RAI1: variants seen among roughly 807,000 people sequenced by gnomAD.
RAI1 encodes the protein retinoic acid-induced protein 1.
A neutral mutation model predicts 123.8 loss-of-function variants in RAI1; 9 were observed. That is an observed-to-expected ratio of 0.07 (90% CI 0.04 to 0.13). RAI1 has a LOEUF of 0.13. Ranked by LOEUF, RAI1 falls within the 10% of genes least tolerant of loss-of-function variation. The pLI, the probability that RAI1 is intolerant of heterozygous loss-of-function variation, is 1.00. For synonymous variants in RAI1, 1,231 were observed against 1,127.3 expected (o/e 1.09, Z -1.84); for missense variants, 2,256 against 2,545.8 (o/e 0.89, Z 2.45).
chr17:17,728,896 T>C (rs1298017891), intron 2 of RAI1, among the ~76,000 whole-genome samples: 1 of 152,140 alleles, frequency 6.6e-6, no homozygotes, highest in African/African-American at 2.4e-5. Context: ...AGCCCCTACC[T>C]CTGCAGGACC....
Position 17,681,475 on chromosome 17 carries a change from C to G in RAI1, c.-467C>G, listed in dbSNP as rs1914409774. ...AGGGGATCGCATTCCTCGCGGCACCCGCGGACACCAGGCAGGCCCGGCCGG... is the reference window on the plus strand; with the variant it reads ...AGGGGATCGCATTCCTCGCGGCACCGGCGGACACCAGGCAGGCCCGGCCGG... On this transcript the variant is annotated 5_prime_UTR_variant, in exon 1 of 6. Transcript: ENST00000353383. 1 of 168,924 alleles carries G rather than the reference C, an allele frequency of 5.9e-6. No individual in the cohort carries two copies. The highest frequency in any genetic ancestry group is 1.2e-5 in the Non-Finnish European group (1 of 80,422). The allele number at this position is 168,924 out of a possible 1,614,324, so 10.5% of individuals were successfully genotyped here. A position where few individuals can be genotyped will look rare whatever the true frequency, so the allele number is the denominator to read the frequency against.
At chr17:17,762,190 G>C (rs1454509978) in intron 2 of RAI1, among the ~76,000 whole-genome samples, 1 of 152,164 alleles carries the variant, frequency 6.6e-6, no homozygotes, top group Non-Finnish European at 1.5e-5. Context: ...TGATTTTGGA[G>C]AGTGGTAAGA....
rs1364578687 is a variant in RAI1, at chr17:17,704,660, C to T, written c.-148-19368C>T. On this transcript the variant is annotated intron_variant, in intron 1 of 5. Coordinates refer to ENST00000353383, the MANE Select transcript of RAI1 (RefSeq NM_030665.4). ...GATATGCATAGTCCTGACATCAGGA[C>T]GTTACCATGAGTAGTAAGTGAAACT... Among the ~76,000 whole-genome samples the T allele has an allele frequency of 2.6e-5, 4 of 152,256 alleles. No individual in the cohort carries two copies. In the East Asian group the frequency reaches 5.8e-4, roughly 22 times the overall value.
rs146819296 is a variant in RAI1 at position 17,810,263 on chromosome 17, C to T, written c.*282C>T. 3.4e-5 allele frequency: 17 copies of T among 504,160 alleles called. No homozygotes were observed. Among genetic ancestry groups the T allele is most frequent in the African/African-American group, 3.1e-4 (15 of 49,034 alleles). 31.2% of individuals were successfully genotyped at this position (504,160 alleles called of 1,614,324 possible). ...GGGGCCAGGCTTGCGGAGGGGGAGC[C>T]CGCGGAGCGGCCAGACTCCCCGGGG... On this transcript the variant is annotated 3_prime_UTR_variant, in exon 6 of 6. Transcript: ENST00000353383. This position sits in a 1 kb window ranked among gnomAD's most constrained non-coding sequence, Gnocchi z 4.6.
intron 2 of RAI1, among the ~76,000 whole-genome samples, chr17:17,728,118 T>TG (rs1478627084): frequency 6.6e-6 from 1 of 151,982 alleles, no homozygotes; most frequent in Non-Finnish European, 1.5e-5. Context: ...TGTGCATTTC[T>TG]GGGGGGAAGG....
At chr17:17,724,739 A>G (rs983328599) in intron 2 of RAI1, among the ~76,000 whole-genome samples, 2 of 152,130 alleles carry the variant, frequency 1.3e-5, no homozygotes, top group Middle Eastern at 3.4e-3. Flanking sequence ...TGACGCCTCC[A>G]GGCGCTTCCT....
chr17:17,728,013 C>T (rs999405997), intron 2 of RAI1, among the ~76,000 whole-genome samples: 2 of 151,964 alleles, frequency 1.3e-5, no homozygotes, highest in Admixed American at 6.6e-5. Flanking sequence ...TGTGTGCCTT[C>T]CAGCTTGGGC....
Position 17,798,069 on chromosome 17 carries a change from C to T in RAI1, c.5121C>T (p.Tyr1707=). 1 of 1,614,106 alleles carries T rather than the reference C, an allele frequency of 6.2e-7. No homozygotes were observed. Among genetic ancestry groups the T allele is most frequent in the South Asian group, 1.1e-5 (1 of 91,086 alleles). Residue 1707 remains tyrosine (Y), a synonymous_variant, in exon 3 of 6, where the codon TAC becomes TAT. Transcript: ENST00000353383. ...KDLGDLCGPY[Y]PEHCLPKKKP... is the part of the protein sequence containing the mutation. ...TTGGGGACCTCTGTGGGCCCTACTA[C>T]CCTGAACACTGCCTCCCCAAAAAGA...
Position 17,795,718 on chromosome 17 carries a change from T to G in RAI1, c.2770T>G (p.Ser924Ala). 1 of 1,612,646 alleles carries G rather than the reference T, an allele frequency of 6.2e-7. No individual in the cohort carries two copies. The highest frequency in any genetic ancestry group is 1.1e-5 in the South Asian group (1 of 91,044). The change falls in exon 3 of 6, where the codon TCC becomes GCC. Residue 924 changes from serine (S) to alanine (A), a missense_variant. Physicochemically the swap from Ser to Ala is moderately conservative, Grantham distance 99 (BLOSUM62 1). Coordinates refer to ENST00000353383, the MANE Select transcript of RAI1 (RefSeq NM_030665.4). The surrounding 1 kb of genome is among the most constrained non-coding windows in gnomAD (Gnocchi z 5.9). ...CTCTCCGTGCCACCTCTCAGGGGAGTCCGTCATCCTGCTGGGCCCTACAGT... is the reference window on the plus strand; with the variant it reads ...CTCTCCGTGCCACCTCTCAGGGGAGGCCGTCATCCTGCTGGGCCCTACAGT... ...WGSPCHLSGE[S>A]VILLGPTVGT...
At chr17:17,740,356 C>T (rs942729553) in intron 2 of RAI1, among the ~76,000 whole-genome samples, 1 of 152,320 alleles carries the variant, frequency 6.6e-6, no homozygotes, top group Non-Finnish European at 1.5e-5. Flanking sequence ...TCCTCTTCCT[C>T]AGAAACACTA....
At chr17:17,721,419 G>A (rs1276839811) in intron 1 of RAI1, among the ~76,000 whole-genome samples, 1 of 152,180 alleles carries the variant, frequency 6.6e-6, no homozygotes, top group Non-Finnish European at 1.5e-5. Context: ...ATATTAGAAG[G>A]TAGGGAACAG....
In RAI1 at chr17:17,779,768, A is replaced by G. The variant is rs144688244; in HGVS notation, c.-16-13165A>G. Among the ~76,000 whole-genome samples the G allele has an allele frequency of 1.5e-4, 10 of 68,844 alleles. 1 individual carries two copies. Among genetic ancestry groups the G allele is most frequent in the Admixed American group, 1.4e-3 (9 of 6,588 alleles). 45.2% of individuals were successfully genotyped at this position (68,844 alleles called of 152,430 possible). Reference sequence around the variant, plus strand: ...GGGACTTCTCTCTAGTCCCCTCCCCACCCTTTTTTTTTTTTTTTTTTTTTA... The same window carrying G: ...GGGACTTCTCTCTAGTCCCCTCCCCGCCCTTTTTTTTTTTTTTTTTTTTTA... On this transcript the variant is annotated intron_variant, in intron 2 of 5. Coordinates refer to ENST00000353383, the MANE Select transcript of RAI1 (RefSeq NM_030665.4).
chr17:17,681,888 C>G (rs1011177863), intron 1 of RAI1, 95 bp downstream of exon 1: 3 of 222,254 alleles, frequency 1.3e-5, no homozygotes, highest in Non-Finnish European at 2.6e-5. Context: ...GGGTGATGAG[C>G]CGAGGCGGGT....
chr17:17,683,877 CTT>C (rs1191932642), intron 1 of RAI1: 1 of 152,170 alleles, frequency 6.6e-6, no homozygotes, highest in Non-Finnish European at 1.5e-5. Context: ...TCTTACTCCT[CTT>C]TGTTTTATTT....
Position 17,798,263 on chromosome 17 carries a change from G to C in RAI1, c.5315G>C (p.Ser1772Thr). ...GCCAAGCAGGGCCCACTGCGCACCA[G>C]TGCCCGGGGCCTGTCCCGGAGGCTG... ...DPAKQGPLRT[S>T]ARGLSRRLQS... is the part of the protein sequence containing the mutation. Residue 1772 changes from serine to threonine, a missense_variant, in exon 3 of 6, where the codon AGT becomes ACT. Physicochemically the swap from Ser to Thr is moderately conservative, Grantham distance 58. This residue lies in a region of RAI1 where 243 missense variants were observed against 316.6 expected (regional missense o/e 0.77). Transcript: ENST00000353383. 1 of 1,603,876 alleles carries C rather than the reference G, an allele frequency of 6.2e-7. No individual in the cohort carries two copies.
At chr17:17,773,080 G>T (rs1477293768) in intron 2 of RAI1, among the ~76,000 whole-genome samples, 1 of 139,852 alleles carries the variant, frequency 7.2e-6, no homozygotes, top group South Asian at 2.6e-4. Flanking sequence ...TGGGTGGATG[G>T]ATGGATGGAT....
chr17:17,787,130 C>G (rs1313271758), intron 2 of RAI1, among the ~76,000 whole-genome samples: 1 of 152,204 alleles, frequency 6.6e-6, no homozygotes, highest in Non-Finnish European at 1.5e-5. Flanking sequence ...GGCAGGCACT[C>G]CTGGGGCTTG....
intron 2 of RAI1, among the ~76,000 whole-genome samples, chr17:17,774,734 C>A (rs1598070180): frequency 6.6e-6 from 1 of 152,272 alleles, no homozygotes; most frequent in East Asian, 1.9e-4. Context: ...TAAACATTTA[C>A]CTTTTAAAAG....
Position 17,681,792 on chromosome 17 carries a change from A to G in RAI1, c.-150A>G. Reference sequence around the variant, plus strand: ...GGCCCCCGAGTGAGCGCGGGCGCCGAGGTGAGCAGCGAGCGCCGGGGCGCG... The same window carrying G: ...GGCCCCCGAGTGAGCGCGGGCGCCGGGGTGAGCAGCGAGCGCCGGGGCGCG... On this transcript the variant is annotated splice_region_variant and 5_prime_UTR_variant, in exon 1 of 6. Coordinates refer to ENST00000353383, the MANE Select transcript of RAI1 (RefSeq NM_030665.4). The G allele has an allele frequency of 3.1e-6, 1 of 319,614 alleles. No individual in the cohort carries two copies. The highest frequency in any genetic ancestry group is 5.7e-6 in the Non-Finnish European group (1 of 174,708). 19.8% of individuals were successfully genotyped at this position (319,614 alleles called of 1,614,324 possible).
Sources: allele counts gnomAD v4.1 joint callset (sites outside exome capture counted in the v4.1 genomes callset), GRCh38; gene constraint gnomAD v4.1.1; regional missense constraint gnomAD v4.1.1; non-coding constraint Gnocchi (gnomAD v3.1); transcripts MANE v1.5; gene names NCBI Gene and HGNC (gene_info 2026-07-23, HGNC 2026-07-21).